The following RGS7BP variants were observed in gnomAD, a reference collection of about 807,000 sequenced individuals.
RGS7BP encodes the protein regulator of G protein signaling 7 binding protein, also known as regulator of G protein signaling 7-binding protein.
RGS7BP carries 9 observed loss-of-function variants against 31.3 expected under a neutral mutation model. The ratio of observed to expected loss-of-function variants is 0.29; its 90% CI spans 0.17 to 0.50. RGS7BP has a LOEUF of 0.50. Ranked by LOEUF, RGS7BP falls within the 20% of genes least tolerant of loss-of-function variation. RGS7BP has a pLI of 0.98. For synonymous variants in RGS7BP, 115 were observed against 120.1 expected, an observed-to-expected ratio of 0.96 and a Z score of 0.28; for missense variants, 274 against 322.0, an observed-to-expected ratio of 0.85 and a Z score of 1.14.
intron 2 of RGS7BP, among the ~76,000 whole-genome samples, chr5:64,574,030 C>T (rs557734087): frequency 6.6e-6 from 1 of 152,220 alleles, no homozygotes; most frequent in Non-Finnish European, 1.5e-5. Flanking sequence ...GGATGATGAA[C>T]CAGCATAGAA....
At chr5:64,590,868 C>G (rs567929838) in intron 3 of RGS7BP, among the ~76,000 whole-genome samples, 1 of 152,146 alleles carries the variant, frequency 6.6e-6, no homozygotes, top group South Asian at 2.1e-4. Flanking sequence ...GCAAAGTCAA[C>G]AGAAAAGTCA....
chr5:64,603,783 AAATTCATT>A (rs1743281316), intron 5 of RGS7BP, among the ~76,000 whole-genome samples: 1 of 152,170 alleles, frequency 6.6e-6, no homozygotes, highest in Admixed American at 6.5e-5. Context: ...CAGCCGGGGT[AAATTCATT>A]AAGACTTTTA....
chr5:64,605,665 C>G (rs1743333257), intron 5 of RGS7BP, among the ~76,000 whole-genome samples: 1 of 151,956 alleles, frequency 6.6e-6, no homozygotes, highest in Non-Finnish European at 1.5e-5. Flanking sequence ...ATTACCTCAG[C>G]CTTAGGTGAT....
rs140340890 is a variant in RGS7BP at position 64,558,274 on chromosome 5, G to A, written c.333-17500G>A. ...TTTGTTGCAGGAAGTCAGGGACCCC[G>A]AACAGAGGGACCTGCTGAAGCTGTG... is the stretch of plus-strand genomic sequence containing the variant. On this transcript the variant is annotated intron_variant, in intron 2 of 5. Transcript: ENST00000334025. 1.7e-3 allele frequency among the ~76,000 whole-genome samples: 262 copies of A among 152,254 alleles called. 2 individuals carry two copies. Among genetic ancestry groups the A allele is most frequent in the Middle Eastern group, 0.014 (4 of 294 alleles).
At position 64,530,762 on chromosome 5, in the gene RGS7BP, C is replaced by CTT. The variant is rs11424081; in HGVS notation, c.332+22894_332+22895dup. On this transcript the variant is annotated intron_variant, in intron 2 of 5. Coordinates refer to ENST00000334025, the MANE Select transcript of RGS7BP (RefSeq NM_001029875.3). ...AGGAGATGTGTCAGTAGGGTTTTTTCTTTTTTTTTTGCAAGCAAGAGCAGG... is the reference window on the plus strand; with the variant it reads ...AGGAGATGTGTCAGTAGGGTTTTTTCTTTTTTTTTTTTGCAAGCAAGAGCAGG... Among the ~76,000 whole-genome samples, 27 of 146,504 alleles carry CTT rather than the reference C, an allele frequency of 1.8e-4. 1 individual carries two copies. Among genetic ancestry groups the CTT allele is most frequent in the African/African-American group, 5.7e-4 (23 of 40,034 alleles).
intron 3 of RGS7BP, among the ~76,000 whole-genome samples, chr5:64,584,764 G>A (rs1742697658): frequency 6.6e-6 from 1 of 152,194 alleles, no homozygotes; most frequent in African/African-American, 2.4e-5. Flanking sequence ...TTATCTCCCA[G>A]TACATGGGAA....
intron 5 of RGS7BP, among the ~76,000 whole-genome samples, chr5:64,599,029 G>A (rs1470933786): frequency 1.3e-5 from 2 of 152,176 alleles, no homozygotes; most frequent in Admixed American, 1.3e-4. Flanking sequence ...GGGAGTATAT[G>A]CCCTAATGCA....
At chr5:64,536,419 T>C (rs1741360263) in intron 2 of RGS7BP, among the ~76,000 whole-genome samples, 1 of 152,192 alleles carries the variant, frequency 6.6e-6, no homozygotes, top group Admixed American at 6.5e-5. Flanking sequence ...ATGTTCCTTA[T>C]GGTGTTTATT....
intron 2 of RGS7BP, among the ~76,000 whole-genome samples, chr5:64,566,029 T>A (rs1412413442): frequency 6.6e-6 from 1 of 152,096 alleles, no homozygotes. Flanking sequence ...AGTCTGAAGC[T>A]GAAAAAGACT....
chr5:64,601,451 G>C (rs548707887), intron 5 of RGS7BP: 1 of 984,100 alleles, frequency 1.0e-6, no homozygotes, highest in East Asian at 1.1e-4. Flanking sequence ...ACTTTCAGTG[G>C]AGAAGAAAGG....
At chr5:64,581,493 G>A (rs1216471498) in intron 3 of RGS7BP, among the ~76,000 whole-genome samples, 1 of 152,176 alleles carries the variant, frequency 6.6e-6, no homozygotes, top group Non-Finnish European at 1.5e-5. Context: ...AGTTCAGATA[G>A]AATTATGTAC....
intron 2 of RGS7BP, among the ~76,000 whole-genome samples, chr5:64,566,983 A>G (rs1742185992): frequency 6.7e-6 from 1 of 148,760 alleles, no homozygotes; most frequent in East Asian, 2.1e-4. Flanking sequence ...TTCAGTAGGG[A>G]ATTTCCCCTA....
chr5:64,570,830 C>T (rs1000900370), intron 2 of RGS7BP, among the ~76,000 whole-genome samples: 1 of 152,122 alleles, frequency 6.6e-6, no homozygotes, highest in Non-Finnish European at 1.5e-5. Flanking sequence ...CTGTCTATCC[C>T]TCTGTGCAAC....
At chr5:64,608,131 C>G (rs1432779013) in intron 5 of RGS7BP, among the ~76,000 whole-genome samples, 1 of 152,032 alleles carries the variant, frequency 6.6e-6, no homozygotes, top group African/African-American at 2.4e-5. Flanking sequence ...GTAACAGTCA[C>G]CAATGCCAAC....
At chr5:64,518,481 C>T (rs148309998) in intron 2 of RGS7BP, among the ~76,000 whole-genome samples, 7 of 151,970 alleles carry the variant, frequency 4.6e-5, no homozygotes, top group African/African-American at 7.3e-5. Flanking sequence ...ACATATGCAG[C>T]GTGGGTAGTT....
At chr5:64,567,696 T>C (rs1742203149) in intron 2 of RGS7BP, among the ~76,000 whole-genome samples, 1 of 147,888 alleles carries the variant, frequency 6.8e-6, no homozygotes, top group African/African-American at 2.4e-5. Flanking sequence ...GTAGCTTTAT[T>C]GAAGAGAAAT....
At position 64,611,528 on chromosome 5, in the gene RGS7BP, A is replaced by T. The variant is rs376676384; in HGVS notation, c.*2276A>T. 18 of 152,364 alleles carry T rather than the reference A, an allele frequency of 1.2e-4. No homozygotes were observed. In the East Asian group the frequency reaches 1.9e-3, roughly 16 times the overall value. The allele number at this position is 152,364 out of a possible 1,614,324, so 9.4% of individuals were successfully genotyped here. On this transcript the variant is annotated 3_prime_UTR_variant, in exon 6 of 6. Coordinates refer to ENST00000334025, the MANE Select transcript of RGS7BP (RefSeq NM_001029875.3). ...GTTAATAAATTCAGGTCTCACCTCC[A>T]TGTCTGAAAAGGCTATAGTAGCTAT...
chr5:64,610,812 A>C lies in RGS7BP; in HGVS notation c.*1560A>C, dbSNP rs1743483831. On this transcript the variant is annotated 3_prime_UTR_variant, in exon 6 of 6. Coordinates refer to ENST00000334025, the MANE Select transcript of RGS7BP (RefSeq NM_001029875.3). ...TTCTTATAGTTCACCCTAATATCCA[A>C]TGTGGAAATTATACTTGGAATTGTC... The C allele has an allele frequency of 6.6e-6, 1 of 151,976 alleles. No individual in the cohort carries two copies. The highest frequency in any genetic ancestry group is 2.4e-5 in the African/African-American group (1 of 41,410). 9.4% of individuals were successfully genotyped at this position (151,976 alleles called of 1,614,324 possible). A position where few individuals can be genotyped will look rare whatever the true frequency, so the allele number is the denominator to read the frequency against.
chr5:64,573,207 C>T (rs890097851), intron 2 of RGS7BP, among the ~76,000 whole-genome samples: 1 of 151,704 alleles, frequency 6.6e-6, no homozygotes, highest in African/African-American at 2.4e-5. Flanking sequence ...TTTTCTTAAT[C>T]CAGTCTATCA....
Sources: allele counts gnomAD v4.1 joint callset (sites outside exome capture counted in the v4.1 genomes callset), GRCh38; gene constraint gnomAD v4.1.1; transcripts MANE v1.5; gene names NCBI Gene and HGNC (gene_info 2026-07-23, HGNC 2026-07-21).